RHOBTB1: variants seen among roughly 807,000 people sequenced by gnomAD.
RHOBTB1 encodes the protein Rho related BTB domain containing 1.
Under a neutral mutation model 71.6 loss-of-function variants are expected in RHOBTB1, and 40 were observed. The observed-to-expected ratio is 0.56, with a 90% CI of 0.43 to 0.73. RHOBTB1 has a LOEUF of 0.73. RHOBTB1 is among the 30% of genes least tolerant of loss of function. RHOBTB1 has a pLI of 0.00. For missense variants in RHOBTB1, 797 were observed against 894.0 expected (o/e 0.89, Z 1.38); for synonymous variants, 319 against 334.9 (o/e 0.95, Z 0.52).
At chr10:60,934,931 A>G (rs915443216) in intron 2 of RHOBTB1, among the ~76,000 whole-genome samples, 1 of 152,222 alleles carries the variant, frequency 6.6e-6, no homozygotes, top group African/African-American at 2.4e-5. Flanking sequence ...TGGGCATGTT[A>G]TATGAGACAT....
intron 2 of RHOBTB1, among the ~76,000 whole-genome samples, chr10:60,955,952 CA>C (rs1204496520): frequency 2.6e-5 from 4 of 152,130 alleles, no homozygotes; most frequent in Non-Finnish European, 5.9e-5. Context: ...TGGTATTCTG[CA>C]AAAATATCAC....
At chr10:60,986,147 G>T (rs1193643338) in intron 1 of RHOBTB1, among the ~76,000 whole-genome samples, 1 of 152,036 alleles carries the variant, frequency 6.6e-6, no homozygotes, top group African/African-American at 2.4e-5. Flanking sequence ...TTTGGAGACA[G>T]AATATCTGGG....
In RHOBTB1 at chr10:60,888,726, C is replaced by T. The variant is rs1589196928; in HGVS notation, c.942G>A (p.Glu314=). Residue 314 remains glutamate, a synonymous_variant, in exon 6 of 11, where the codon GAG becomes GAA. Transcript: ENST00000337910. ...PNGSEGACEK[E]KQSRDFQGRI... ...GCCCCTGGAAATCTCTGCTCTGCTT[C>T]TCTTTCTCACAGGCTCCTTCACTCC... 1 of 1,614,214 alleles carries T rather than the reference C, an allele frequency of 6.2e-7. No homozygotes were observed. Among genetic ancestry groups the T allele is most frequent in the East Asian group, 2.2e-5 (1 of 44,876 alleles).
intron 4 of RHOBTB1, among the ~76,000 whole-genome samples, chr10:60,902,556 A>T (rs750593): frequency 6.6e-6 from 1 of 151,984 alleles, no homozygotes; most frequent in African/African-American, 2.4e-5. Context: ...ACTCATTCAC[A>T]AAAGGCATTA....
At chr10:60,900,654 G>T (rs372362272) in intron 4 of RHOBTB1, among the ~76,000 whole-genome samples, 53 of 152,250 alleles carry the variant, frequency 3.5e-4, no homozygotes, top group African/African-American at 1.1e-3. Context: ...AGGCCTTATG[G>T]ATATCAGAAA....
chr10:60,865,618 G>A (rs140941016), downstream of RHOBTB1, among the ~76,000 whole-genome samples: 317 of 152,326 alleles, frequency 2.1e-3, no homozygotes, highest in African/African-American at 7.4e-3. Context: ...GCCTCTTGAA[G>A]CCTCTCAGAT....
chr10:60,999,950 A>G (rs972462987), intron 1 of RHOBTB1, among the ~76,000 whole-genome samples: 3 of 152,204 alleles, frequency 2.0e-5, no homozygotes, highest in Non-Finnish European at 4.4e-5. Flanking sequence ...GTTTCATAGG[A>G]TGTGAACTGA....
intron 2 of RHOBTB1, among the ~76,000 whole-genome samples, chr10:60,968,827 G>T (rs2086058623): frequency 6.6e-6 from 1 of 151,998 alleles, no homozygotes; most frequent in African/African-American, 2.4e-5. Context: ...GTTCGCCAAG[G>T]CATCACATGG....
At chr10:60,906,568 C>T (rs564445361) in intron 4 of RHOBTB1, among the ~76,000 whole-genome samples, 8 of 152,192 alleles carry the variant, frequency 5.3e-5, no homozygotes, top group Non-Finnish European at 8.8e-5. Flanking sequence ...TCTGTCCTGG[C>T]TGTCTGACCT....
At chr10:60,917,042 C>T (rs2133590938) in intron 2 of RHOBTB1, among the ~76,000 whole-genome samples, 1 of 152,342 alleles carries the variant, frequency 6.6e-6, no homozygotes, top group Middle Eastern at 3.4e-3. Flanking sequence ...CAAAGTAACA[C>T]AGCCTGCCAA....
intron 4 of RHOBTB1, among the ~76,000 whole-genome samples, chr10:60,901,849 A>G (rs1364897366): frequency 5.9e-5 from 9 of 152,232 alleles, no homozygotes; most frequent in Admixed American, 5.9e-4. Context: ...CTCTTTGCCC[A>G]TTGCAGTGGC....
chr10:60,880,218 A>T (rs866918846), intron 7 of RHOBTB1, among the ~76,000 whole-genome samples: 5,876 of 121,020 alleles, frequency 0.049, 112 homozygotes, highest in Non-Finnish European at 0.059. Context: ...AGAGAGAGAG[A>T]GAGAGAGAGA....
chr10:60,916,136 G>A (rs549009512), intron 2 of RHOBTB1, among the ~76,000 whole-genome samples: 21 of 152,214 alleles, frequency 1.4e-4, no homozygotes, highest in South Asian at 6.2e-4. Context: ...TGACTGCTTC[G>A]CCCAAAAGAA....
chr10:60,939,864 G>A (rs1465361731), intron 2 of RHOBTB1, among the ~76,000 whole-genome samples: 1 of 152,112 alleles, frequency 6.6e-6, no homozygotes, highest in African/African-American at 2.4e-5. Flanking sequence ...GAAAACAAAT[G>A]ATTGCTAAAT....
chr10:60,880,956 G>A (rs1319488494), intron 7 of RHOBTB1, among the ~76,000 whole-genome samples: 1 of 152,212 alleles, frequency 6.6e-6, no homozygotes, highest in Non-Finnish European at 1.5e-5. Context: ...GTTTGGATTA[G>A]TGATATGGTT....
chr10:60,869,073 T>C (rs1023254548), downstream of RHOBTB1, among the ~76,000 whole-genome samples: 1 of 152,244 alleles, frequency 6.6e-6, no homozygotes, highest in African/African-American at 2.4e-5. Context: ...AAACTTTTCA[T>C]GAACTCAGCA....
intron 2 of RHOBTB1, among the ~76,000 whole-genome samples, chr10:60,984,145 T>A (rs999267373): frequency 2.6e-5 from 4 of 152,172 alleles, no homozygotes; most frequent in African/African-American, 9.7e-5. Flanking sequence ...AACCAGTTAA[T>A]ATGCACGTAC....
intron 2 of RHOBTB1, among the ~76,000 whole-genome samples, chr10:60,938,306 G>A (rs751055772): frequency 3.3e-5 from 5 of 152,176 alleles, no homozygotes; most frequent in Non-Finnish European, 7.4e-5. Flanking sequence ...GGAAGATTTA[G>A]AAGACTTGGC....
At chr10:60,868,497 A>G (rs1457375879), downstream of RHOBTB1, among the ~76,000 whole-genome samples, 1 of 152,220 alleles carries the variant, frequency 6.6e-6, no homozygotes, top group Non-Finnish European at 1.5e-5. Context: ...AGCCAATGTC[A>G]TAGTGACGAA....
Sources: gnomAD v4.1 joint callset for allele counts (sites outside exome capture counted in the v4.1 genomes callset) on GRCh38, gnomAD v4.1.1 for gene constraint, MANE v1.5 for transcripts, NCBI Gene and HGNC (gene_info 2026-07-23, HGNC 2026-07-21) for gene names.